Variants in CACNG5 observed in about 807,000 individuals in gnomAD.
The protein encoded by CACNG5 is calcium voltage-gated channel auxiliary subunit gamma 5, also known as voltage-dependent calcium channel gamma-5 subunit.
Under a neutral mutation model 24.8 loss-of-function variants are expected in CACNG5, and 18 were observed. That is an observed-to-expected ratio of 0.73 (90% CI 0.50 to 1.08). The LOEUF (loss-of-function observed/expected upper bound fraction) is 1.08, where lower values mean the gene tolerates loss of function less well. CACNG5 is among the 50% of genes least tolerant of loss of function. The pLI, the probability that CACNG5 is intolerant of heterozygous loss-of-function variation, is 0.00. For missense variants in CACNG5, 349 were observed against 367.9 expected (o/e 0.95, Z 0.42); for synonymous variants, 157 against 149.1 (o/e 1.05, Z -0.39).
chr17:66,842,798 G>A (rs979116160), intron 1 of CACNG5, among the ~76,000 whole-genome samples: 1 of 152,186 alleles, frequency 6.6e-6, no homozygotes, highest in East Asian at 1.9e-4. Flanking sequence ...TACGTTGGGT[G>A]TTCACCTTTG....
rs1977370282 is a variant in CACNG5, at chr17:66,893,341, T to C, written c.*8101T>C. ...TGATGTGTCGTTTCCTGAAAGCCTC[T>C]ACACGTTAATCCTGACTCCTTCTCT... On this transcript the variant is annotated 3_prime_UTR_variant, in exon 6 of 6. Transcript: ENST00000533854. 6.6e-6 allele frequency among the ~76,000 whole-genome samples: 1 copy of C among 152,216 alleles called. No homozygotes were observed. Among genetic ancestry groups the C allele is most frequent in the Non-Finnish European group, 1.5e-5 (1 of 68,046 alleles).
At chr17:66,869,840 T>C (rs1976978118) in intron 1 of CACNG5, among the ~76,000 whole-genome samples, 1 of 152,102 alleles carries the variant, frequency 6.6e-6, no homozygotes, top group African/African-American at 2.4e-5. Flanking sequence ...TCCCAGCAGT[T>C]TGGGAGGCCG....
rs774137074 is a variant in CACNG5 at position 66,892,256 on chromosome 17, A to G, written c.*7016A>G. The stretch of plus-strand genomic sequence containing the variant: ...GTGCCTGGGGCAAGACGCCAAATTC[A>G]TGGGCTCATGCCCAGCCCTTCTGCC... On this transcript the variant is annotated 3_prime_UTR_variant, in exon 6 of 6. Coordinates refer to ENST00000533854, the MANE Select transcript of CACNG5 (RefSeq NM_145811.3). Among the ~76,000 whole-genome samples the G allele has an allele frequency of 3.9e-4, 60 of 152,230 alleles. No individual in the cohort carries two copies. Among genetic ancestry groups the G allele is most frequent in the Non-Finnish European group, 7.8e-4 (53 of 68,024 alleles).
chr17:66,877,854 T>C (rs575902871), intron 2 of CACNG5, among the ~76,000 whole-genome samples: 21 of 152,262 alleles, frequency 1.4e-4, no homozygotes, highest in Non-Finnish European at 2.8e-4. Context: ...ATGCATGCTT[T>C]AGCTCATTGA....
At chr17:66,870,695 AGCGCC>A (rs1313008552) in intron 1 of CACNG5, among the ~76,000 whole-genome samples, 2 of 152,158 alleles carry the variant, frequency 1.3e-5, no homozygotes. Context: ...GAAGTCACAT[AGCGCC>A]AGGTGTGGTG....
chr17:66,861,025 G>A (rs1036058210), intron 1 of CACNG5, among the ~76,000 whole-genome samples: 56 of 150,310 alleles, frequency 3.7e-4, no homozygotes, highest in Middle Eastern at 3.4e-3. Context: ...GCACATGCAC[G>A]CACACACACA....
intron 1 of CACNG5, among the ~76,000 whole-genome samples, chr17:66,840,772 C>G (rs533004204): frequency 6.6e-6 from 1 of 152,168 alleles, no homozygotes; most frequent in African/African-American, 2.4e-5. Flanking sequence ...GCAGTGACAG[C>G]GAGACCCCAG....
chr17:66,847,524 G>A (rs901872231), intron 1 of CACNG5, among the ~76,000 whole-genome samples: 15 of 150,592 alleles, frequency 1.0e-4, no homozygotes, highest in African/African-American at 2.7e-4. Flanking sequence ...TTACTATCAC[G>A]AGAACGGCAC....
chr17:66,870,948 TC>T (rs901023626), intron 1 of CACNG5, among the ~76,000 whole-genome samples: 29 of 150,948 alleles, frequency 1.9e-4, no homozygotes, highest in South Asian at 1.3e-3. Flanking sequence ...CCATTGCACC[TC>T]CAGCCTGGAT....
At chr17:66,835,986 G>A (rs1174963516) in intron 1 of CACNG5, among the ~76,000 whole-genome samples, 1 of 152,224 alleles carries the variant, frequency 6.6e-6, no homozygotes, top group Admixed American at 6.5e-5. Flanking sequence ...GATGCAGCTC[G>A]TTAAAAATGT....
At chr17:66,842,692 C>T (rs1486861313) in intron 1 of CACNG5, among the ~76,000 whole-genome samples, 1 of 152,188 alleles carries the variant, frequency 6.6e-6, no homozygotes, top group African/African-American at 2.4e-5. Flanking sequence ...GACCTAGTTT[C>T]CTCTGCAGGC....
Position 66,877,397 on chromosome 17 carries a change from G to T in CACNG5, c.65G>T (p.Gly22Val). Residue 22 changes from glycine to valine, a missense_variant, in exon 2 of 6, where the codon GGC (glycine) becomes GTC (valine). Transcript: ENST00000533854. ...AGTGTCTTTGCTGTCTGTGGCTTGG[G>T]CCTCCTGGGTATCGCGGTCAGCACC... ...LSSVFAVCGL[G>V]LLGIAVSTDY... 6.2e-7 allele frequency: 1 copy of T among 1,614,128 alleles called. No homozygotes were observed.
intron 3 of CACNG5, among the ~76,000 whole-genome samples, chr17:66,879,363 C>A (rs1977127508): frequency 6.6e-6 from 1 of 152,126 alleles, no homozygotes; most frequent in Non-Finnish European, 1.5e-5. Context: ...TATGAATTTG[C>A]AATATTGCAA....
In CACNG5 at chr17:66,887,127, G is replaced by T. The variant is rs1404622843; in HGVS notation, c.*1887G>T. On this transcript the variant is annotated 3_prime_UTR_variant, in exon 6 of 6. Transcript: ENST00000533854. ...ATGAATTTAGGGAAGACAGAGTTTA[G>T]CCCATGACAGGTATTTTGTTGCTGG... is the stretch of plus-strand genomic sequence containing the variant. 6.6e-6 allele frequency among the ~76,000 whole-genome samples: 1 copy of T among 152,206 alleles called. No individual in the cohort carries two copies. Among genetic ancestry groups the T allele is most frequent in the East Asian group, 1.9e-4 (1 of 5,200 alleles).
chr17:66,886,738 C>T lies in CACNG5; in HGVS notation c.*1498C>T, dbSNP rs1407375655. Among the ~76,000 whole-genome samples the T allele has an allele frequency of 6.6e-6, 1 of 152,218 alleles. No homozygotes were observed. Among genetic ancestry groups the T allele is most frequent in the East Asian group, 1.9e-4 (1 of 5,188 alleles). ...AGCCTTGGAGAGGCGGTGTGTCAGGCAGCCGGGCTGCCGCAATGAACTACC... is the reference window on the plus strand; with the variant it reads ...AGCCTTGGAGAGGCGGTGTGTCAGGTAGCCGGGCTGCCGCAATGAACTACC... On this transcript the variant is annotated 3_prime_UTR_variant, in exon 6 of 6. Coordinates refer to ENST00000533854, the MANE Select transcript of CACNG5 (RefSeq NM_145811.3).
chr17:66,883,131 C>G (rs113663370), intron 4 of CACNG5, among the ~76,000 whole-genome samples: 3 of 152,294 alleles, frequency 2.0e-5, no homozygotes, highest in Middle Eastern at 3.4e-3. Flanking sequence ...TATTGAGCAC[C>G]AGGAATGTTA....
At chr17:66,848,441 G>A (rs1033635754) in intron 1 of CACNG5, among the ~76,000 whole-genome samples, 1 of 152,164 alleles carries the variant, frequency 6.6e-6, no homozygotes, top group African/African-American at 2.4e-5. Context: ...TCAGCAGTGG[G>A]GACAGTCCCA....
In CACNG5 at chr17:66,887,050, G is replaced by A. The variant is rs1194120203; in HGVS notation, c.*1810G>A. 6.6e-6 allele frequency among the ~76,000 whole-genome samples: 1 copy of A among 152,154 alleles called. No homozygotes were observed. Among genetic ancestry groups the A allele is most frequent in the African/African-American group, 2.4e-5 (1 of 41,426 alleles). On this transcript the variant is annotated 3_prime_UTR_variant, in exon 6 of 6. Coordinates refer to ENST00000533854, the MANE Select transcript of CACNG5 (RefSeq NM_145811.3). ...TTTTCATGAAATAACCTCTTTAAAG[G>A]CTCTATCTCCAAATACAGTCATGTT...
chr17:66,880,019 A>T (rs1395823), intron 3 of CACNG5, among the ~76,000 whole-genome samples: 82,631 of 151,908 alleles, frequency 0.54, 23,775 homozygotes, highest in African/African-American at 0.75. Context: ...GACACTCCCA[A>T]CCTTGGAAAA....
Sources: allele counts gnomAD v4.1 joint callset (sites outside exome capture counted in the v4.1 genomes callset), GRCh38; gene constraint gnomAD v4.1.1; transcripts MANE v1.5; gene names NCBI Gene and HGNC (gene_info 2026-07-23, HGNC 2026-07-21).